The following FNIP1 variants were observed in gnomAD, a reference collection of about 807,000 sequenced individuals.
FNIP1 encodes the protein folliculin interacting protein 1.
In FNIP1, 40 loss-of-function variants were observed where a neutral mutation model predicts 124.5. That is an observed-to-expected ratio of 0.32 (90% CI 0.25 to 0.42). FNIP1 has a LOEUF of 0.42. FNIP1 is among the 10% of genes least tolerant of loss of function. FNIP1 has a pLI of 1.00. For synonymous variants in FNIP1, 472 were observed against 470.6 expected (o/e 1.00, Z -0.04); for missense variants, 1,176 against 1,403.7 (o/e 0.84, Z 2.59).
chr5:131,758,813 A>T (rs1771132710), intron 1 of FNIP1, among the ~76,000 whole-genome samples: 2 of 152,140 alleles, frequency 1.3e-5, no homozygotes, highest in African/African-American at 4.8e-5. Flanking sequence ...CAACTAAAAT[A>T]GGACTAAGCC....
chr5:131,682,521 C>G (rs1768123909), intron 11 of FNIP1, among the ~76,000 whole-genome samples: 1 of 151,804 alleles, frequency 6.6e-6, no homozygotes, highest in African/African-American at 2.4e-5. Flanking sequence ...GAGTTCAAGA[C>G]CAGCCTGGCC....
chr5:131,729,489 G>T (rs1487065206), intron 3 of FNIP1, among the ~76,000 whole-genome samples: 1 of 152,186 alleles, frequency 6.6e-6, no homozygotes, highest in Non-Finnish European at 1.5e-5. Flanking sequence ...CACTCAGTTG[G>T]AAATGCAGAA....
intron 1 of FNIP1, among the ~76,000 whole-genome samples, chr5:131,763,144 T>C (rs1222681002): frequency 6.6e-6 from 1 of 152,184 alleles, no homozygotes; most frequent in Non-Finnish European, 1.5e-5. Flanking sequence ...TTATTGTACA[T>C]TTTAAAATAA....
At chr5:131,670,318 A>G (rs2149514002) in intron 15 of FNIP1, 145 bp downstream of exon 15, 1 of 592,970 alleles carries the variant, frequency 1.7e-6, no homozygotes, top group South Asian at 3.4e-5. Context: ...AGATACAAAG[A>G]TACGGGCACT....
chr5:131,746,057 A>G (rs1045856438), intron 1 of FNIP1, among the ~76,000 whole-genome samples: 2 of 152,194 alleles, frequency 1.3e-5, no homozygotes, highest in African/African-American at 2.4e-5. Flanking sequence ...ACAGTACATC[A>G]CATTTGTTTT....
At chr5:131,786,142 G>A (rs1181158333) in intron 1 of FNIP1, among the ~76,000 whole-genome samples, 1 of 152,164 alleles carries the variant, frequency 6.6e-6, no homozygotes, top group Non-Finnish European at 1.5e-5. Flanking sequence ...CTTTAGGCAA[G>A]CAACACAAAA....
chr5:131,775,150 T>C (rs1279498640), intron 1 of FNIP1, among the ~76,000 whole-genome samples: 2 of 152,244 alleles, frequency 1.3e-5, no homozygotes, highest in East Asian at 3.8e-4. Context: ...AGTGGAACAT[T>C]ACTGTTTGTT....
intron 2 of FNIP1, among the ~76,000 whole-genome samples, chr5:131,738,681 T>C (rs900869541): frequency 2.0e-5 from 3 of 151,992 alleles, no homozygotes; most frequent in African/African-American, 7.2e-5. Flanking sequence ...TGTACTTTTT[T>C]TTTTAGTAGA....
intron 3 of FNIP1, 31 bp downstream of exon 3, chr5:131,730,873 A>G (rs372021663): frequency 1.9e-6 from 3 of 1,544,730 alleles, no homozygotes; most frequent in Non-Finnish European, 2.6e-6. Flanking sequence ...TTATAAATGA[A>G]TGAATAAATA....
chr5:131,694,680 T>A (rs562283725), intron 11 of FNIP1, among the ~76,000 whole-genome samples: 1 of 152,166 alleles, frequency 6.6e-6, no homozygotes, highest in African/African-American at 2.4e-5. Context: ...GTATATGACA[T>A]CATACATTTA....
At chr5:131,682,578 G>A (rs1400727638) in intron 11 of FNIP1, among the ~76,000 whole-genome samples, 2 of 152,110 alleles carry the variant, frequency 1.3e-5, no homozygotes, top group Non-Finnish European at 2.9e-5. Flanking sequence ...TTAGCTGGGT[G>A]TGGTGGTGAG....
At chr5:131,669,656 CA>C (rs1351049363) in intron 15 of FNIP1, among the ~76,000 whole-genome samples, 7 of 150,844 alleles carry the variant, frequency 4.6e-5, no homozygotes, top group Non-Finnish European at 1.0e-4. Flanking sequence ...AAGGGATGGA[CA>C]AAAAAAACCA....
chr5:131,772,753 T>C (rs1771682670), intron 1 of FNIP1, among the ~76,000 whole-genome samples: 1 of 152,158 alleles, frequency 6.6e-6, no homozygotes, highest in African/African-American at 2.4e-5. Flanking sequence ...TGGATCGCTG[T>C]TTCCCATCTC....
At chr5:131,648,310 CAA>C (rs11370785) in intron 16 of FNIP1, among the ~76,000 whole-genome samples, 1 of 115,898 alleles carries the variant, frequency 8.6e-6, no homozygotes. Flanking sequence ...ACAAAAGTTA[CAA>C]AAAAAAAAAA....
intron 2 of FNIP1, among the ~76,000 whole-genome samples, chr5:131,737,967 G>C (rs527954560): frequency 6.6e-6 from 1 of 152,180 alleles, no homozygotes; most frequent in South Asian, 2.1e-4. Flanking sequence ...GGGTAGTGGG[G>C]ATATGGTTTC....
intron 16 of FNIP1, among the ~76,000 whole-genome samples, chr5:131,649,368 T>A (rs1766979526): frequency 6.6e-6 from 1 of 152,206 alleles, no homozygotes; most frequent in African/African-American, 2.4e-5. Flanking sequence ...AGGTATTGAA[T>A]GGCAGCTCAC....
intron 1 of FNIP1, among the ~76,000 whole-genome samples, chr5:131,751,960 C>T (rs774259815): frequency 5.3e-5 from 8 of 152,184 alleles, no homozygotes; most frequent in Admixed American, 5.2e-4. Flanking sequence ...GAATCACGCA[C>T]TTTAGAAGAG....
At chr5:131,734,503 T>G (rs1323639772) in intron 2 of FNIP1, among the ~76,000 whole-genome samples, 1 of 152,138 alleles carries the variant, frequency 6.6e-6, no homozygotes, top group Admixed American at 6.5e-5. Flanking sequence ...CAAAAGAAAC[T>G]ACCATCAGAG....
chr5:131,792,863 A>AG (rs397999269), intron 1 of FNIP1, among the ~76,000 whole-genome samples: 2 of 151,996 alleles, frequency 1.3e-5, no homozygotes, highest in African/African-American at 2.4e-5. Flanking sequence ...AATCCAAAAA[A>AG]TTCCACAATC....
Sources: gnomAD v4.1 joint callset for allele counts (sites outside exome capture counted in the v4.1 genomes callset) on GRCh38, gnomAD v4.1.1 for gene constraint, MANE v1.5 for transcripts, NCBI Gene and HGNC (gene_info 2026-07-23, HGNC 2026-07-21) for gene names.